The following MATN2 variants were observed in gnomAD, a reference collection of about 807,000 sequenced individuals.
The protein encoded by MATN2 is matrilin 2, also known as matrilin-2.
MATN2 carries 69 observed loss-of-function variants against 103.2 expected under a neutral mutation model. The observed-to-expected ratio is 0.67, with a 90% confidence interval of 0.55 to 0.82. The LOEUF (loss-of-function observed/expected upper bound fraction) is 0.82. MATN2 is among the 40% of genes least tolerant of loss of function. MATN2 has a pLI of 0.00. For synonymous variants in MATN2, 429 were observed against 450.2 expected, an observed-to-expected ratio of 0.95 and a Z score of 0.60; for missense variants, 1,023 against 1,211.5, an observed-to-expected ratio of 0.84 and a Z score of 2.31.
intron 2 of MATN2, among the ~76,000 whole-genome samples, chr8:97,904,727 TA>T (rs1253473731): frequency 6.6e-6 from 1 of 152,188 alleles, no homozygotes; most frequent in East Asian, 1.9e-4. Context: ...CCAGTTTATC[TA>T]TAATATAGAT....
intron 7 of MATN2, among the ~76,000 whole-genome samples, chr8:97,996,667 C>G (rs11994638): frequency 0.12 from 18,373 of 152,184 alleles, 1,238 homozygotes; most frequent in Admixed American, 0.21. Context: ...CAGGAGCGGC[C>G]CCTGACTTCA....
Position 98,025,953 on chromosome 8 carries a change from G to C in MATN2, c.1943-1463G>C, listed in dbSNP as rs544157345. Among the ~76,000 whole-genome samples, 3 of 152,084 alleles carry C rather than the reference G, an allele frequency of 2.0e-5. No individual in the cohort carries two copies. The East Asian group carries it at 5.8e-4, about 30-fold the overall frequency. On this transcript the variant is annotated intron_variant, in intron 13 of 18. Coordinates refer to ENST00000254898, the MANE Select transcript of MATN2 (RefSeq NM_002380.5). ...AGCACTTTGGAAGGCCAAGGCAGGT[G>C]AATCGCCTGAGGTCAGGAGTTCAAG...
At chr8:97,941,952 T>C in intron 4 of MATN2, 53 bp downstream of exon 4, 3 of 1,595,544 alleles carry the variant, frequency 1.9e-6, no homozygotes, top group Non-Finnish European at 2.6e-6. Context: ...CCTCATCCTC[T>C]CCCTTCTTTT....
chr8:97,872,813 A>G, intron 1 of MATN2, among the ~76,000 whole-genome samples: 1 of 149,220 alleles, frequency 6.7e-6, no homozygotes, highest in East Asian at 1.9e-4. Context: ...TTTTTTTTTC[A>G]AGACAGAGTC....
At chr8:98,028,736 G>A (rs191681542) in intron 14 of MATN2, among the ~76,000 whole-genome samples, 1 of 152,144 alleles carries the variant, frequency 6.6e-6, no homozygotes, top group Admixed American at 6.5e-5. Flanking sequence ...ACAGGCGCCC[G>A]CCACCACGCC....
chr8:97,872,855 C>T (rs948938700), intron 1 of MATN2, among the ~76,000 whole-genome samples: 5 of 151,638 alleles, frequency 3.3e-5, no homozygotes, highest in Non-Finnish European at 4.4e-5. Flanking sequence ...AGTGCAGTGG[C>T]GTGATCTTGG....
intron 3 of MATN2, among the ~76,000 whole-genome samples, chr8:97,937,582 A>AT (rs1810415300): frequency 1.1e-5 from 1 of 88,746 alleles, no homozygotes; most frequent in African/African-American, 5.2e-5. Context: ...CTCCCCACTA[A>AT]CTTTTTTTTT....
In MATN2 at chr8:97,982,669, A is replaced by C. The variant is rs550748982; in HGVS notation, c.1081+3661A>C. 6.6e-6 allele frequency among the ~76,000 whole-genome samples: 1 copy of C among 152,328 alleles called. No individual in the cohort carries two copies. Among genetic ancestry groups the C allele is most frequent in the South Asian group, 2.1e-4 (1 of 4,820 alleles). ...TCATGAACCAGTACTATAATTTGAA[A>C]TATGTAAGTGGTGTTCAAAAAAGCA... On this transcript the variant is annotated intron_variant, in intron 6 of 18. Transcript: ENST00000254898. This position sits in a 1 kb window ranked among gnomAD's most constrained non-coding sequence, Gnocchi z 4.3.
At chr8:98,027,026 G>GC (rs1554616402) in intron 13 of MATN2, among the ~76,000 whole-genome samples, 2 of 152,106 alleles carry the variant, frequency 1.3e-5, no homozygotes, top group Non-Finnish European at 2.9e-5. Context: ...CTGTCAGAAT[G>GC]CCAGCACTAG....
At chr8:97,875,992 G>A (rs987216535) in intron 1 of MATN2, among the ~76,000 whole-genome samples, 7 of 151,494 alleles carry the variant, frequency 4.6e-5, no homozygotes, top group Middle Eastern at 3.2e-3. Flanking sequence ...ACTGCGCCTG[G>A]CCGAGTATTT....
chr8:97,911,190 A>G (rs968472663), intron 2 of MATN2, among the ~76,000 whole-genome samples: 2 of 151,328 alleles, frequency 1.3e-5, no homozygotes, highest in Non-Finnish European at 2.9e-5. Context: ...ACGGGGTCTC[A>G]CCATATTGGC....
At chr8:98,014,280 T>G (rs77136153) in intron 10 of MATN2, among the ~76,000 whole-genome samples, 1 of 150,270 alleles carries the variant, frequency 6.7e-6, no homozygotes, top group Admixed American at 6.6e-5. Context: ...AGTAGTATTA[T>G]AAATTCACGG....
chr8:97,973,101 T>G (rs1055344238), intron 5 of MATN2, among the ~76,000 whole-genome samples: 15 of 152,216 alleles, frequency 9.9e-5, no homozygotes, highest in Non-Finnish European at 2.1e-4. Context: ...ACTGTTAGAT[T>G]CACATGCCTG....
intron 2 of MATN2, among the ~76,000 whole-genome samples, chr8:97,895,285 A>G (rs1818772792): frequency 1.3e-5 from 2 of 152,240 alleles, no homozygotes; most frequent in Non-Finnish European, 2.9e-5. Context: ...AGCAGATGCC[A>G]GAAGCCATGA....
At chr8:97,889,867 C>G (rs1369447198) in intron 2 of MATN2, among the ~76,000 whole-genome samples, 2 of 152,052 alleles carry the variant, frequency 1.3e-5, no homozygotes, top group African/African-American at 4.8e-5. Context: ...CTCCAAGTCT[C>G]TCTCTCCCTC....
intron 2 of MATN2, among the ~76,000 whole-genome samples, chr8:97,892,747 G>T (rs1392383340): frequency 6.6e-6 from 1 of 152,228 alleles, no homozygotes; most frequent in East Asian, 1.9e-4. Flanking sequence ...GAGAATGAGA[G>T]TATGAAAGGC....
intron 2 of MATN2, among the ~76,000 whole-genome samples, chr8:97,907,608 C>T (rs551282963): frequency 6.6e-6 from 1 of 152,122 alleles, no homozygotes; most frequent in African/African-American, 2.4e-5. Context: ...AGGCGTGAGC[C>T]ATGGTGCCCA....
chr8:97,928,944 C>T (rs569686819), intron 2 of MATN2, among the ~76,000 whole-genome samples: 2 of 152,288 alleles, frequency 1.3e-5, no homozygotes, highest in African/African-American at 4.8e-5. Flanking sequence ...AAAACTTGTT[C>T]TGAAAATCAA....
rs1460947823 is a variant in MATN2 at position 98,036,354 on chromosome 8, A to C, written c.*642A>C. The C allele has an allele frequency of 6.6e-6, 1 of 152,224 alleles. No homozygotes were observed. The highest frequency in any genetic ancestry group is 1.5e-5 in the Non-Finnish European group (1 of 68,032). The allele number at this position is 152,224 out of a possible 1,614,324, so 9.4% of individuals were successfully genotyped here. On this transcript the variant is annotated 3_prime_UTR_variant, in exon 19 of 19. Coordinates refer to ENST00000254898, the MANE Select transcript of MATN2 (RefSeq NM_002380.5). ...GCAGGTTAAAACAATACCATTTTTC[A>C]CCCATCAGCTTAGCAAAAATGAGTA...
Sources: gnomAD v4.1 joint callset for allele counts (sites outside exome capture counted in the v4.1 genomes callset) on GRCh38, gnomAD v4.1.1 for gene constraint, Gnocchi (gnomAD v3.1) non-coding constraint, MANE v1.5 for transcripts, NCBI Gene and HGNC (gene_info 2026-07-23, HGNC 2026-07-21) for gene names.